The following SENP7 variants were observed in gnomAD, a reference collection of about 807,000 sequenced individuals.
SENP7 encodes the protein SUMO specific peptidase 7.
SENP7 carries 64 observed loss-of-function variants against 141.2 expected under a neutral mutation model. That is an observed-to-expected ratio of 0.45 (90% confidence interval 0.37 to 0.56). The LOEUF (loss-of-function observed/expected upper bound fraction) is 0.56. Among genes scored for constraint, SENP7 ranks in the 20% least tolerant of loss-of-function variants. SENP7 has a pLI of 0.00. For missense variants in SENP7, 1,025 were observed against 1,212.2 expected, an observed-to-expected ratio of 0.85 and a Z score of 2.29; for synonymous variants, 382 against 426.4, an observed-to-expected ratio of 0.90 and a Z score of 1.28.
intron 3 of SENP7, among the ~76,000 whole-genome samples, chr3:101,488,773 T>C (rs6790077): frequency 0.4 from 60,389 of 151,890 alleles, 12,515 homozygotes; most frequent in Admixed American, 0.54. Context: ...ACCTGGGAGG[T>C]GGAGGTTGCA....
At chr3:101,367,747 GA>G in intron 8 of SENP7, 82 bp downstream of exon 8, 2 of 840,604 alleles carry the variant, frequency 2.4e-6, no homozygotes, top group Non-Finnish European at 3.6e-6. Flanking sequence ...CTGAAAGCTA[GA>G]GGAACATTAT....
chr3:101,374,840 A>T (rs1195277307), intron 6 of SENP7, among the ~76,000 whole-genome samples: 1 of 152,024 alleles, frequency 6.6e-6, no homozygotes, highest in Admixed American at 6.6e-5. Context: ...AACCCACAGA[A>T]TGGGAGAAAA....
At chr3:101,505,861 G>C (rs146346169) in intron 1 of SENP7, among the ~76,000 whole-genome samples, 296 of 152,118 alleles carry the variant, frequency 1.9e-3, no homozygotes, top group African/African-American at 6.9e-3. Context: ...AAAAGAAATG[G>C]TAACTATAAC....
intron 15 of SENP7, among the ~76,000 whole-genome samples, chr3:101,341,071 T>C (rs752205112): frequency 2.0e-5 from 3 of 152,248 alleles, no homozygotes; most frequent in Non-Finnish European, 2.9e-5. Context: ...AAAGTGCTAA[T>C]ATGATAGTTT....
At chr3:101,450,493 C>T (rs1004161308) in intron 4 of SENP7, among the ~76,000 whole-genome samples, 4 of 152,160 alleles carry the variant, frequency 2.6e-5, no homozygotes, top group African/African-American at 9.7e-5. Flanking sequence ...TGTAAAAGAA[C>T]AGAAATTATA....
chr3:101,387,054 T>G (rs936780030), intron 6 of SENP7, among the ~76,000 whole-genome samples: 1 of 152,154 alleles, frequency 6.6e-6, no homozygotes, highest in African/African-American at 2.4e-5. Flanking sequence ...TACAGGGGAC[T>G]GAGTACATGC....
At position 101,438,605 on chromosome 3, in the gene SENP7, TAG is replaced by T. The variant is rs550470615; in HGVS notation, c.284+20348_284+20349del. On this transcript the variant is annotated intron_variant, in intron 4 of 23. Coordinates refer to ENST00000394095, the MANE Select transcript of SENP7 (RefSeq NM_020654.5). ...GTATTTTACTACAATAAAAAAACTT[TAG>T]AGTCTTAAAATTCATTTAGTACACT... Among the ~76,000 whole-genome samples, 329 of 152,316 alleles carry T rather than the reference TAG, an allele frequency of 2.2e-3. No homozygotes were observed. The Middle Eastern group carries it at 0.024, about 11-fold the overall frequency.
chr3:101,477,863 G>T (rs776980346), intron 3 of SENP7, among the ~76,000 whole-genome samples: 6 of 149,712 alleles, frequency 4.0e-5, no homozygotes, highest in Non-Finnish European at 7.4e-5. Flanking sequence ...AAAAAAAAAA[G>T]TTAGTAGAGA....
chr3:101,457,448 G>C (rs553736058), intron 4 of SENP7: 7 of 1,595,400 alleles, frequency 4.4e-6, no homozygotes, highest in African/African-American at 1.3e-5. Flanking sequence ...GCTTTGTCTC[G>C]GCATGGCCTG....
At position 101,417,808 on chromosome 3, in the gene SENP7, A is replaced by C. The variant is rs75553890; in HGVS notation, c.285-18T>G. On this transcript the variant is annotated intron_variant, in intron 4 of 23. Transcript: ENST00000394095. Reference sequence around the variant, plus strand: ...TGAGTTGCCTGTTATACACATAAATAATTAGTATATATGGTACTACACATT... The same window carrying C: ...TGAGTTGCCTGTTATACACATAAATCATTAGTATATATGGTACTACACATT... The C allele has an allele frequency of 1.1e-3, 1,691 of 1,573,708 alleles. 3 individuals are homozygous for C. The highest frequency in any genetic ancestry group is 1.2e-3 in the Non-Finnish European group (1,428 of 1,143,398).
At chr3:101,444,519 G>C (rs377557862) in intron 4 of SENP7, among the ~76,000 whole-genome samples, 1 of 151,862 alleles carries the variant, frequency 6.6e-6, no homozygotes, top group Non-Finnish European at 1.5e-5. Context: ...TAGACTGGAT[G>C]AAGAAAATGT....
intron 4 of SENP7, among the ~76,000 whole-genome samples, chr3:101,442,518 C>T (rs2107781454): frequency 6.6e-6 from 1 of 152,278 alleles, no homozygotes; most frequent in South Asian, 2.1e-4. Context: ...TGCCACCCAC[C>T]CCCTGGCTCT....
At position 101,373,614 on chromosome 3, in the gene SENP7, GA is replaced by G. The variant is rs938549472; in HGVS notation, c.678-1489del. On this transcript the variant is annotated intron_variant, in intron 6 of 23. Transcript: ENST00000394095. The stretch of plus-strand genomic sequence containing the variant: ...TCACATTAAAAGTTATATGGTTGTA[GA>G]AAAAAGACTTTATAACAGAGGATTT... 3.9e-5 allele frequency among the ~76,000 whole-genome samples: 6 copies of G among 152,072 alleles called. No homozygotes were observed. In the South Asian group the frequency reaches 1.2e-3, roughly 31 times the overall value.
chr3:101,471,280 C>A (rs1312371000), intron 3 of SENP7, among the ~76,000 whole-genome samples: 1 of 152,146 alleles, frequency 6.6e-6, no homozygotes, highest in Non-Finnish European at 1.5e-5. Context: ...ACCAAAACAG[C>A]ATGGTACTGG....
Position 101,459,040 on chromosome 3 carries a change from G to C in SENP7, c.199C>G (p.Leu67Val). ...TCTAGAGAGATGACTTTATTCCTTA[G>C]GCTTCTTTCCCACTAGGAAAAAAAA... Reference protein sequence around the residue: ...WTLPLQWERSLRNKVISLDHK... With the variant: ...WTLPLQWERSVRNKVISLDHK... Residue 67 changes from leucine to valine, a missense_variant, in exon 4 of 24, where the codon CTA becomes GTA. Coordinates refer to ENST00000394095, the MANE Select transcript of SENP7 (RefSeq NM_020654.5). 6.3e-7 allele frequency: 1 copy of C among 1,582,812 alleles called. No individual in the cohort carries two copies. The highest frequency in any genetic ancestry group is 1.2e-5 in the South Asian group (1 of 85,452).
chr3:101,496,828 T>C (rs988550630), intron 2 of SENP7, among the ~76,000 whole-genome samples: 1 of 152,224 alleles, frequency 6.6e-6, no homozygotes, highest in African/African-American at 2.4e-5. Context: ...TCCACCCGCC[T>C]TGGCCTCCCA....
chr3:101,392,951 A>G (rs1345882123), intron 6 of SENP7, among the ~76,000 whole-genome samples: 1 of 152,154 alleles, frequency 6.6e-6, no homozygotes, highest in Non-Finnish European at 1.5e-5. Flanking sequence ...GGACTGCACT[A>G]CAGTCTGGAT....
intron 3 of SENP7, among the ~76,000 whole-genome samples, chr3:101,485,134 C>T (rs1287881936): frequency 7.9e-5 from 12 of 151,998 alleles, no homozygotes; most frequent in East Asian, 5.8e-4. Flanking sequence ...AGCTCAGACA[C>T]GCCTAGCCCC....
chr3:101,366,248 C>T (rs998526951), intron 9 of SENP7, among the ~76,000 whole-genome samples, 182 bp downstream of exon 9: 2 of 152,114 alleles, frequency 1.3e-5, no homozygotes, highest in South Asian at 2.1e-4. Flanking sequence ...TTACCTAAAT[C>T]GATATTTTAA....
Sources: allele counts gnomAD v4.1 joint callset (sites outside exome capture counted in the v4.1 genomes callset), GRCh38; gene constraint gnomAD v4.1.1; transcripts MANE v1.5; gene names NCBI Gene and HGNC (gene_info 2026-07-23, HGNC 2026-07-21).